Variants in CMBL observed in about 807,000 individuals in gnomAD.
CMBL encodes the protein carboxymethylenebutenolidase homolog, also known as carboxymethylenebutenolidase homolog (Pseudomonas).
Under a neutral mutation model 28.7 loss-of-function variants are expected in CMBL, and 17 were observed. The ratio of observed to expected loss-of-function variants is 0.59; its 90% CI spans 0.41 to 0.89. The LOEUF is 0.89. Among genes scored for constraint, CMBL ranks in the 40% least tolerant of loss-of-function variants. The pLI is 0.00. For synonymous variants in CMBL, 106 were observed against 101.6 expected (o/e 1.04, Z -0.26); for missense variants, 310 against 298.5 (o/e 1.04, Z -0.28).
At chr5:10,287,932 T>C (rs1317572518) in intron 3 of CMBL, among the ~76,000 whole-genome samples, 1 of 150,692 alleles carries the variant, frequency 6.6e-6, no homozygotes, top group Non-Finnish European at 1.5e-5. Flanking sequence ...GGTTTCACCA[T>C]GTTGGCCAGG....
rs1470718877 is a variant in CMBL, at chr5:10,279,662, C to T, written c.*791G>A. ...TTCAAGTGATTCTCCTCCTCAGACT[C>T]CTGAGTAGCTGGGATTACAGGCACA... On this transcript the variant is annotated 3_prime_UTR_variant, in exon 6 of 6. Transcript: ENST00000296658. 1 of 152,004 alleles carries T rather than the reference C, an allele frequency of 6.6e-6. No individual in the cohort carries two copies. Among genetic ancestry groups the T allele is most frequent in the Non-Finnish European group, 1.5e-5 (1 of 68,052 alleles). 9.4% of individuals were successfully genotyped at this position (152,004 alleles called of 1,614,324 possible). A position where few individuals can be genotyped will look rare whatever the true frequency, so the allele number is the denominator to read the frequency against.
intron 1 of CMBL, among the ~76,000 whole-genome samples, chr5:10,300,578 T>C (rs561908601): frequency 1.3e-5 from 2 of 152,236 alleles, no homozygotes; most frequent in African/African-American, 4.8e-5. Flanking sequence ...GGCATGGTCA[T>C]AGCTTGAGGC....
At position 10,280,270 on chromosome 5, in the gene CMBL, C is replaced by T. The variant is rs1746476124; in HGVS notation, c.*183G>A. The T allele has an allele frequency of 2.0e-6, 1 of 505,410 alleles. No homozygotes were observed. The highest frequency in any genetic ancestry group is 1.9e-5 in the African/African-American group (1 of 52,562). The allele number at this position is 505,410 out of a possible 1,614,324, so 31.3% of individuals were successfully genotyped here. On this transcript the variant is annotated 3_prime_UTR_variant, in exon 6 of 6. Coordinates refer to ENST00000296658, the MANE Select transcript of CMBL (RefSeq NM_138809.4). The stretch of plus-strand genomic sequence containing the variant: ...TGTTTTTAAATTATGATTCGATGTA[C>T]ATGTCAAAAATTAAATTATTTCATG...
chr5:10,285,698 TTC>T, intron 4 of CMBL, among the ~76,000 whole-genome samples: 1 of 65,740 alleles, frequency 1.5e-5, no homozygotes, highest in African/African-American at 3.7e-5. Context: ...CTCTTTCTTT[TTC>T]TTTTTTTTTT....
At chr5:10,294,426 T>C (rs970840177) in intron 1 of CMBL, among the ~76,000 whole-genome samples, 1 of 151,964 alleles carries the variant, frequency 6.6e-6, no homozygotes, top group African/African-American at 2.4e-5. Context: ...TAACTGGGCA[T>C]GGTGGCACAT....
At position 10,290,789 on chromosome 5, in the gene CMBL, G is replaced by A. The variant is rs376223226; in HGVS notation, c.-19-8C>T. On this transcript the variant is annotated splice_polypyrimidine_tract_variant and splice_region_variant and intron_variant, in intron 1 of 5. Coordinates refer to ENST00000296658, the MANE Select transcript of CMBL (RefSeq NM_138809.4). ...GCAGAGATTTAAGTCGGGCTATGGA[G>A]AGAGAAACATGCGTTATATTCTGAA... The A allele has an allele frequency of 5.0e-4, 787 of 1,583,216 alleles. 1 individual carries two copies. The highest frequency in any genetic ancestry group is 6.6e-4 in the Non-Finnish European group (759 of 1,152,160).
rs947572329 is a variant in CMBL, at chr5:10,277,731, A to G, written c.*2722T>C. Reference sequence around the variant, plus strand: ...AGTCACTGAAGAACATATCTTTTTAAAGAAGTACGTGTGTGACTTACATTA... The same window carrying G: ...AGTCACTGAAGAACATATCTTTTTAGAGAAGTACGTGTGTGACTTACATTA... On this transcript the variant is annotated 3_prime_UTR_variant, in exon 6 of 6. Coordinates refer to ENST00000296658, the MANE Select transcript of CMBL (RefSeq NM_138809.4). Among the ~76,000 whole-genome samples, 3 of 152,158 alleles carry G rather than the reference A, an allele frequency of 2.0e-5. No individual in the cohort carries two copies. The highest frequency in any genetic ancestry group is 7.2e-5 in the African/African-American group (3 of 41,430).
At position 10,282,266 on chromosome 5, in the gene CMBL, G is replaced by A. The variant is rs144041333; in HGVS notation, c.489C>T (p.Asp163=). The change falls in exon 5 of 6, where the codon GAC becomes GAT. Residue 163 remains aspartate, a synonymous_variant. Coordinates refer to ENST00000296658, the MANE Select transcript of CMBL (RefSeq NM_138809.4). ...SVYGIVKDSE[D]IYNLKNPTLF... ...AAGTGGGGTTCTTTAAATTGTAAATGTCTTCAGAATCCTTGACAATGCCTG... is the reference window on the plus strand; with the variant it reads ...AAGTGGGGTTCTTTAAATTGTAAATATCTTCAGAATCCTTGACAATGCCTG... 1.2e-3 allele frequency: 1,857 copies of A among 1,610,982 alleles called. 12 individuals are homozygous for A. Among genetic ancestry groups the A allele is most frequent in the Non-Finnish European group, 8.0e-4 (942 of 1,177,106 alleles).
chr5:10,298,116 A>AG (rs1746839914), intron 1 of CMBL, among the ~76,000 whole-genome samples: 1 of 125,140 alleles, frequency 8.0e-6, no homozygotes, highest in Non-Finnish European at 1.7e-5. Flanking sequence ...TAGTCATGAG[A>AG]GGGGGCAGGA....
chr5:10,285,074 G>A (rs978370790), intron 4 of CMBL, among the ~76,000 whole-genome samples: 2 of 151,886 alleles, frequency 1.3e-5, no homozygotes, highest in African/African-American at 4.8e-5. Flanking sequence ...TGCATTCACA[G>A]CTCACTGCAG....
intron 5 of CMBL, among the ~76,000 whole-genome samples, chr5:10,280,892 G>A (rs532260649): frequency 4.7e-4 from 71 of 152,306 alleles, no homozygotes; most frequent in Non-Finnish European, 1.3e-4. Context: ...TCCTGCCTCA[G>A]CCTCCGGAGA....
intron 1 of CMBL, among the ~76,000 whole-genome samples, chr5:10,300,823 TTATATATTTATTTA>T (rs1452678029): frequency 6.8e-6 from 1 of 147,764 alleles, no homozygotes; most frequent in African/African-American, 2.4e-5. Context: ...TATTTATTTT[TTATATATTTATTTA>T]TATATATTTA....
chr5:10,294,119 C>T (rs769662249), intron 1 of CMBL, among the ~76,000 whole-genome samples: 2 of 152,176 alleles, frequency 1.3e-5, no homozygotes, highest in Admixed American at 6.6e-5. Flanking sequence ...GTCTGAGGAA[C>T]AGCAAGACCA....
chr5:10,304,530 C>A (rs921471860), intron 1 of CMBL, among the ~76,000 whole-genome samples: 1 of 152,264 alleles, frequency 6.6e-6, no homozygotes, highest in African/African-American at 2.4e-5. Flanking sequence ...CACTTCCCAG[C>A]CTGTCAGAAT....
At chr5:10,300,919 A>G (rs754076923) in intron 1 of CMBL, among the ~76,000 whole-genome samples, 3 of 150,584 alleles carry the variant, frequency 2.0e-5, no homozygotes, top group African/African-American at 7.3e-5. Flanking sequence ...ACATAATGCT[A>G]TGTAAAAAGA....
intron 1 of CMBL, among the ~76,000 whole-genome samples, chr5:10,292,626 C>T (rs1482549204): frequency 6.6e-6 from 1 of 152,022 alleles, no homozygotes; most frequent in Non-Finnish European, 1.5e-5. Flanking sequence ...AGCTCAAGAC[C>T]AGCCTGGCCA....
intron 1 of CMBL, among the ~76,000 whole-genome samples, chr5:10,305,558 GTGTTTTT>G (rs781706202): frequency 4.5e-4 from 69 of 152,024 alleles, no homozygotes; most frequent in Admixed American, 8.5e-4. Context: ...TCACTGTTGA[GTGTTTTT>G]TGTTTTTTGT....
At chr5:10,303,626 CAACT>C (rs955509162) in intron 1 of CMBL, among the ~76,000 whole-genome samples, 5 of 152,140 alleles carry the variant, frequency 3.3e-5, no homozygotes, top group East Asian at 3.8e-4. Flanking sequence ...AGCCCCCAAC[CAACT>C]GACTGGATCA....
At chr5:10,286,825 C>T (rs1561062254) in intron 3 of CMBL, among the ~76,000 whole-genome samples, 1 of 152,188 alleles carries the variant, frequency 6.6e-6, no homozygotes, top group Non-Finnish European at 1.5e-5. Context: ...CAGCACGGTT[C>T]GTAAGACCCG....
Sources: gnomAD v4.1 joint callset for allele counts (sites outside exome capture counted in the v4.1 genomes callset) on GRCh38, gnomAD v4.1.1 for gene constraint, MANE v1.5 for transcripts, NCBI Gene and HGNC (gene_info 2026-07-23, HGNC 2026-07-21) for gene names.